GAS6: variants seen among roughly 807,000 people sequenced by gnomAD.
GAS6 encodes the protein growth arrest-specific protein 6.
GAS6 carries 41 observed loss-of-function variants against 75.8 expected under a neutral mutation model. The ratio of observed to expected loss-of-function variants is 0.54; its 90% CI spans 0.42 to 0.70. The LOEUF (loss-of-function observed/expected upper bound fraction) is 0.70, where lower values mean the gene tolerates loss of function less well. GAS6 is among the 30% of genes least tolerant of loss of function. GAS6 has a pLI of 0.00. For missense variants in GAS6, 854 were observed against 940.2 expected, an observed-to-expected ratio of 0.91 and a Z score of 1.20; for synonymous variants, 432 against 412.6, an observed-to-expected ratio of 1.05 and a Z score of -0.57.
intron 2 of GAS6, among the ~76,000 whole-genome samples, chr13:113,858,972 A>G (rs76335207): frequency 1.0e-5 from 1 of 96,026 alleles, no homozygotes; most frequent in East Asian, 4.2e-4. Flanking sequence ...GTGTGACTGT[A>G]TGTCTATATG....
intron 2 of GAS6, among the ~76,000 whole-genome samples, chr13:113,858,962 G>C (rs1449761770): frequency 7.0e-6 from 1 of 143,738 alleles, no homozygotes; most frequent in Non-Finnish European, 1.5e-5. Flanking sequence ...GTACATGTCT[G>C]TGTGACTGTA....
At chr13:113,823,155 C>T (rs2138610815) in intron 13 of GAS6, 4 of 489,488 alleles carry the variant, frequency 8.2e-6, no homozygotes, top group South Asian at 7.4e-5. Flanking sequence ...GGCTCGCAGG[C>T]GCCGGCCCCC....
chr13:113,829,182 C>T (rs572383944), intron 10 of GAS6, among the ~76,000 whole-genome samples: 15 of 98,698 alleles, frequency 1.5e-4, no homozygotes, highest in Admixed American at 2.8e-4. Context: ...AAGAGGGTCC[C>T]GATCTCAGGG....
Position 113,823,428 on chromosome 13 carries a change from G to A in GAS6, c.1600C>T (p.Pro534Ser), listed in dbSNP as rs755323426. The change falls in exon 13 of 15, where the codon CCT (proline) becomes TCT (serine). Residue 534 changes from proline (P) to serine (S), a missense_variant. Transcript: ENST00000327773. Reference sequence around the variant, plus strand: ...TAGTCTACCAGTGCCACAGAGAGAGGCACGGCACGGAGGTCGGGGGCCCAG... The same window carrying A: ...TAGTCTACCAGTGCCACAGAGAGAGACACGGCACGGAGGTCGGGGGCCCAG... ...ALWAPDLRAV[P>S]LSVALVDYHS... The A allele has an allele frequency of 4.3e-6, 7 of 1,612,760 alleles. No homozygotes were observed. Among genetic ancestry groups the A allele is most frequent in the Middle Eastern group, 3.3e-4 (2 of 6,060 alleles).
chr13:113,839,634 G>A (rs2051754319), intron 5 of GAS6, 94 bp downstream of exon 5: 1 of 1,517,282 alleles, frequency 6.6e-7, no homozygotes, highest in Non-Finnish European at 9.0e-7. Context: ...AGCAGCCTGA[G>A]GATGGCCGTG....
chr13:113,832,811 G>GC, intron 8 of GAS6, 59 bp from the exon 9 acceptor site: 1 of 1,608,542 alleles, frequency 6.2e-7, no homozygotes, highest in South Asian at 1.1e-5. Flanking sequence ...GCTCCCCTGA[G>GC]CCCCACGCCC....
chr13:113,829,976 CCACCTGATCCA>C (rs1171002091), intron 10 of GAS6, among the ~76,000 whole-genome samples: 2 of 152,198 alleles, frequency 1.3e-5, no homozygotes, highest in Admixed American at 1.3e-4. Context: ...CTCAAGGAGA[CCACCTGATCCA>C]CACCTGAGCC....
At chr13:113,842,810 T>C (rs1229255824) in intron 4 of GAS6, 20 of 396,810 alleles carry the variant, frequency 5.0e-5, no homozygotes, top group Non-Finnish European at 8.8e-5. Context: ...AGTGGACACC[T>C]GCCCATGTGA....
In GAS6 at chr13:113,826,691, G is replaced by A. The variant is rs77640258; in HGVS notation, c.1477+305C>T. Among the ~76,000 whole-genome samples, 317 of 99,226 alleles carry A rather than the reference G, an allele frequency of 3.2e-3. 60 individuals carry two copies. The highest frequency in any genetic ancestry group is 0.02 in the South Asian group (37 of 1,894). 65.1% of individuals were successfully genotyped at this position (99,226 alleles called of 152,430 possible). On this transcript the variant is annotated intron_variant, in intron 12 of 14. Transcript: ENST00000327773. ...AGGCACCTTCTCTCCCCCGCCTCCT[G>A]GCGCCGGCCTCGCAGGCACCTTCTC...
Position 113,837,903 on chromosome 13 carries a change from C to T in GAS6, c.589+166G>A, listed in dbSNP as rs1160693222. The stretch of plus-strand genomic sequence containing the variant: ...ATCCTGGTGTGGTGCCGAGCAGCTC[C>T]CTGTGCTGCGGCTGGCCTGGGCTTG... On this transcript the variant is annotated intron_variant, in intron 6 of 14. Coordinates refer to ENST00000327773, the MANE Select transcript of GAS6 (RefSeq NM_000820.4). The surrounding 1 kb of genome is among the most constrained non-coding windows in gnomAD (Gnocchi z 5.1). Among the ~76,000 whole-genome samples the T allele has an allele frequency of 6.6e-6, 1 of 152,146 alleles. No individual in the cohort carries two copies. The highest frequency in any genetic ancestry group is 1.5e-5 in the Non-Finnish European group (1 of 68,006).
At chr13:113,859,360 CTGTA>C (rs1166851281) in intron 2 of GAS6, among the ~76,000 whole-genome samples, 2 of 139,088 alleles carry the variant, frequency 1.4e-5, no homozygotes, top group African/African-American at 2.7e-5. Flanking sequence ...GTCTGTGTGA[CTGTA>C]TGTCTATGTG....
intron 10 of GAS6, among the ~76,000 whole-genome samples, chr13:113,832,061 C>G (rs1201801989): frequency 3.6e-4 from 28 of 77,802 alleles, no homozygotes; most frequent in African/African-American, 1.4e-3. Context: ...TCCCCGTCCC[C>G]CGGAGCATGA....
intron 2 of GAS6, among the ~76,000 whole-genome samples, chr13:113,861,464 C>T (rs2051970454): frequency 1.3e-5 from 2 of 152,222 alleles, no homozygotes; most frequent in South Asian, 2.1e-4. Flanking sequence ...CTCAATCAGC[C>T]GCACTGCACA....
rs770761342 is a variant in GAS6, at chr13:113,838,210, C to T, written c.467-19G>A. 6.2e-7 allele frequency: 1 copy of T among 1,611,622 alleles called. No homozygotes were observed. ...TTGACATCTGGGAACAAGCACAGGC[C>T]TGAAGGGGAGCCCAAGGGTGCACAG... is the stretch of plus-strand genomic sequence containing the variant. On this transcript the variant is annotated intron_variant, in intron 5 of 14. Coordinates refer to ENST00000327773, the MANE Select transcript of GAS6 (RefSeq NM_000820.4).
intron 8 of GAS6, among the ~76,000 whole-genome samples, chr13:113,833,978 C>A (rs72488205): frequency 7.1e-6 from 1 of 140,838 alleles, no homozygotes; most frequent in East Asian, 2.1e-4. Flanking sequence ...TGACAGGCCC[C>A]GGTGTGACAG....
At chr13:113,860,997 G>C (rs969928760) in intron 2 of GAS6, among the ~76,000 whole-genome samples, 5 of 151,936 alleles carry the variant, frequency 3.3e-5, no homozygotes, top group South Asian at 2.1e-4. Context: ...TGGGCACAGA[G>C]GTTAGCACAC....
At chr13:113,843,041 T>G in intron 4 of GAS6, 1 of 392,276 alleles carries the variant, frequency 2.5e-6, no homozygotes, top group East Asian at 3.6e-5. Flanking sequence ...GAACCACACC[T>G]GAGGGGTGGA....
In GAS6 at chr13:113,820,849, G is replaced by A. The variant is rs767619005; in HGVS notation, c.*15C>T. The A allele has an allele frequency of 1.8e-5, 29 of 1,606,120 alleles. No homozygotes were observed. The highest frequency in any genetic ancestry group is 4.0e-5 in the African/African-American group (3 of 74,838). On this transcript the variant is annotated 3_prime_UTR_variant, in exon 15 of 15. Coordinates refer to ENST00000327773, the MANE Select transcript of GAS6 (RefSeq NM_000820.4). Reference sequence around the variant, plus strand: ...TCGGACAGAGACTGAGAAGCCTGCCGCGTCCCGTGGGGGCCTAGGCTGCGG... The same window carrying A: ...TCGGACAGAGACTGAGAAGCCTGCCACGTCCCGTGGGGGCCTAGGCTGCGG...
chr13:113,863,440 G>C lies in GAS6; in HGVS notation c.255+135C>G. 1 of 814,856 alleles carries C rather than the reference G, an allele frequency of 1.2e-6. No homozygotes were observed. Among genetic ancestry groups the C allele is most frequent in the Non-Finnish European group, 1.7e-6 (1 of 594,210 alleles). The allele number at this position is 814,856 out of a possible 1,614,324, so 50.5% of individuals were successfully genotyped here. ...GATGGGCGTGGGGGACGCGGGGCGGGCCGGGGCTCCTGGGACCCTGAGGCC... is the reference window on the plus strand; with the variant it reads ...GATGGGCGTGGGGGACGCGGGGCGGCCCGGGGCTCCTGGGACCCTGAGGCC... On this transcript the variant is annotated intron_variant, in intron 2 of 14. Coordinates refer to ENST00000327773, the MANE Select transcript of GAS6 (RefSeq NM_000820.4). The surrounding 1 kb of genome is among the most constrained non-coding windows in gnomAD (Gnocchi z 9.4).
Sources: allele counts gnomAD v4.1 joint callset (sites outside exome capture counted in the v4.1 genomes callset), GRCh38; gene constraint gnomAD v4.1.1; non-coding constraint Gnocchi (gnomAD v3.1); transcripts MANE v1.5; gene names NCBI Gene and HGNC (gene_info 2026-07-23, HGNC 2026-07-21).